LYPD6: variants seen among roughly 807,000 people sequenced by gnomAD.
The protein encoded by LYPD6 is ly6/PLAUR domain-containing protein 6.
In LYPD6, 15 loss-of-function variants were observed where a neutral mutation model predicts 22.7. The observed-to-expected ratio is 0.66, with a 90% confidence interval of 0.44 to 1.02. LYPD6 has a LOEUF of 1.02. LYPD6 is among the 50% of genes least tolerant of loss of function. The pLI is 0.00. For missense variants in LYPD6, 189 were observed against 208.4 expected, an observed-to-expected ratio of 0.91 and a Z score of 0.57; for synonymous variants, 72 against 77.5, an observed-to-expected ratio of 0.93 and a Z score of 0.37.
At chr2:149,432,213 C>T (rs376885146) in intron 1 of LYPD6, among the ~76,000 whole-genome samples, 5 of 152,128 alleles carry the variant, frequency 3.3e-5, no homozygotes, top group East Asian at 1.9e-4. Flanking sequence ...AAAAGTAAAA[C>T]GTAAGACCAC....
upstream of LYPD6, chr2:149,330,439 G>A (rs1208672876): frequency 1.3e-5 from 2 of 149,928 alleles, no homozygotes; most frequent in African/African-American, 4.9e-5. Context: ...GCGCCCCGCG[G>A]AGGGCTCCGC....
At chr2:149,343,412 A>G (rs1216664295) in intron 1 of LYPD6, among the ~76,000 whole-genome samples, 1 of 152,260 alleles carries the variant, frequency 6.6e-6, no homozygotes, top group Non-Finnish European at 1.5e-5. Context: ...GGAGAATGAC[A>G]AACATCCATC....
intron 2 of LYPD6, among the ~76,000 whole-genome samples, chr2:149,441,319 T>C (rs1002947546): frequency 3.9e-5 from 6 of 152,202 alleles, no homozygotes; most frequent in African/African-American, 1.4e-4. Flanking sequence ...ATGTGTAACA[T>C]GAAGCTCGGA....
chr2:149,379,208 T>G (rs2105085457), intron 1 of LYPD6, among the ~76,000 whole-genome samples: 1 of 152,208 alleles, frequency 6.6e-6, no homozygotes, highest in African/African-American at 2.4e-5. Context: ...CAGCTGGTTT[T>G]GGTATCAGAT....
chr2:149,470,680 C>T lies in LYPD6; in HGVS notation c.349-3C>T. On this transcript the variant is annotated splice_region_variant and splice_polypyrimidine_tract_variant and intron_variant, in intron 4 of 4. Coordinates refer to ENST00000334166, the MANE Select transcript of LYPD6 (RefSeq NM_194317.5). ...ATTATCTTTTTTTCTTCCTTTCTTTCAGGTCTGCACTTCTTGTTGTGAAGG... is the reference window on the plus strand; with the variant it reads ...ATTATCTTTTTTTCTTCCTTTCTTTTAGGTCTGCACTTCTTGTTGTGAAGG... 1 of 1,608,412 alleles carries T rather than the reference C, an allele frequency of 6.2e-7. No homozygotes were observed. The highest frequency in any genetic ancestry group is 8.5e-7 in the Non-Finnish European group (1 of 1,175,678).
At chr2:149,352,912 G>C (rs931668907) in intron 1 of LYPD6, among the ~76,000 whole-genome samples, 3 of 152,208 alleles carry the variant, frequency 2.0e-5, no homozygotes, top group African/African-American at 7.2e-5. Flanking sequence ...TGAACTTTCG[G>C]TTGGGCCTTA....
intron 3 of LYPD6, among the ~76,000 whole-genome samples, chr2:149,457,127 A>G (rs1192964927): frequency 6.6e-6 from 1 of 152,226 alleles, no homozygotes; most frequent in Non-Finnish European, 1.5e-5. Flanking sequence ...TTTTAGCTTC[A>G]TAGAATATGC....
chr2:149,355,037 T>C (rs1488003116), intron 1 of LYPD6, among the ~76,000 whole-genome samples: 3 of 152,222 alleles, frequency 2.0e-5, no homozygotes, highest in Non-Finnish European at 4.4e-5. Context: ...CTAGAATTTA[T>C]TTAATTAAAA....
At chr2:149,375,397 A>G (rs886129533) in intron 1 of LYPD6, among the ~76,000 whole-genome samples, 3 of 151,932 alleles carry the variant, frequency 2.0e-5, no homozygotes, top group African/African-American at 7.2e-5. Flanking sequence ...CTCTGAAGGA[A>G]TGATGATGAT....
chr2:149,464,211 A>G (rs1681152836), intron 3 of LYPD6: 1 of 373,912 alleles, frequency 2.7e-6, no homozygotes, highest in Non-Finnish European at 5.3e-6. Context: ...GAGAAAGTTA[A>G]GAAGGACTAA....
intron 1 of LYPD6, among the ~76,000 whole-genome samples, chr2:149,401,707 A>C (rs1682559445): frequency 6.6e-6 from 1 of 152,080 alleles, no homozygotes; most frequent in African/African-American, 2.4e-5. Flanking sequence ...GTATTATTTT[A>C]ATTTAAAATT....
At chr2:149,352,148 T>C (rs1390806480) in intron 1 of LYPD6, among the ~76,000 whole-genome samples, 2 of 151,962 alleles carry the variant, frequency 1.3e-5, no homozygotes, top group Non-Finnish European at 2.9e-5. Context: ...AATGTGTACA[T>C]GGAAGAAGAA....
rs188626974 is a variant in LYPD6 at position 149,401,910 on chromosome 2, G to A, written c.-71-35728G>A. 1.9e-3 allele frequency among the ~76,000 whole-genome samples: 285 copies of A among 149,946 alleles called. 1 individual carries two copies. The highest frequency in any genetic ancestry group is 0.01 in the Middle Eastern group (3 of 288). On this transcript the variant is annotated intron_variant, in intron 1 of 4. Coordinates refer to ENST00000334166, the MANE Select transcript of LYPD6 (RefSeq NM_194317.5). ...CCAAAGTTCAATGTATCATTCTTACGCCTTTGCATCCTCATAACTTAGCTC... is the reference window on the plus strand; with the variant it reads ...CCAAAGTTCAATGTATCATTCTTACACCTTTGCATCCTCATAACTTAGCTC...
At chr2:149,425,710 A>T (rs2105137588) in intron 1 of LYPD6, among the ~76,000 whole-genome samples, 1 of 152,358 alleles carries the variant, frequency 6.6e-6, no homozygotes. Flanking sequence ...AAGATGGTGC[A>T]TTAAAAGGAA....
At chr2:149,398,731 G>A (rs936344975) in intron 1 of LYPD6, among the ~76,000 whole-genome samples, 1 of 152,066 alleles carries the variant, frequency 6.6e-6, no homozygotes, top group African/African-American at 2.4e-5. Flanking sequence ...ACAATGAGAA[G>A]CCTGGAAACC....
intron 1 of LYPD6, among the ~76,000 whole-genome samples, chr2:149,436,408 A>G (rs1267388846): frequency 6.6e-6 from 1 of 152,232 alleles, no homozygotes; most frequent in African/African-American, 2.4e-5. Context: ...ATAGCAAGAG[A>G]ATAGCACCTA....
chr2:149,466,528 T>G (rs1178751907), intron 3 of LYPD6, among the ~76,000 whole-genome samples: 1 of 152,198 alleles, frequency 6.6e-6, no homozygotes, highest in Non-Finnish European at 1.5e-5. Context: ...TATTAGGTAC[T>G]AAGGTTTTGC....
intron 4 of LYPD6, among the ~76,000 whole-genome samples, chr2:149,469,572 A>G (rs1681284321): frequency 1.3e-5 from 2 of 152,316 alleles, no homozygotes; most frequent in South Asian, 4.1e-4. Flanking sequence ...TTTCTTAAGA[A>G]GGCAGACACC....
At chr2:149,449,830 G>A (rs1224783614) in intron 3 of LYPD6, among the ~76,000 whole-genome samples, 2 of 152,200 alleles carry the variant, frequency 1.3e-5, no homozygotes, top group Admixed American at 1.3e-4. Context: ...TAGAGATAAT[G>A]AGCACAGGGA....
Sources: gnomAD v4.1 joint callset for allele counts (sites outside exome capture counted in the v4.1 genomes callset) on GRCh38, gnomAD v4.1.1 for gene constraint, MANE v1.5 for transcripts, NCBI Gene and HGNC (gene_info 2026-07-23, HGNC 2026-07-21) for gene names.